MYO16: variants seen among roughly 807,000 people sequenced by gnomAD.
MYO16 encodes the protein unconventional myosin-XVI.
MYO16 carries 94 observed loss-of-function variants against 205.3 expected under a neutral mutation model. The observed-to-expected ratio is 0.46, with a 90% CI of 0.39 to 0.54. MYO16 has a LOEUF of 0.54. Ranked by LOEUF, MYO16 falls within the 20% of genes least tolerant of loss-of-function variation. The pLI is 0.00. For synonymous variants in MYO16, 988 were observed against 954.0 expected (o/e 1.04, Z -0.66); for missense variants, 2,315 against 2,387.5 (o/e 0.97, Z 0.63).
chr13:108,774,652 T>C (rs1463066533), intron 4 of MYO16, among the ~76,000 whole-genome samples: 1 of 152,164 alleles, frequency 6.6e-6, no homozygotes, highest in African/African-American at 2.4e-5. Flanking sequence ...TTTTTCTAAA[T>C]TTGGAATTAC....
At chr13:109,064,943 T>C (rs1027587261) in intron 27 of MYO16, among the ~76,000 whole-genome samples, 1 of 152,196 alleles carries the variant, frequency 6.6e-6, no homozygotes, top group African/African-American at 2.4e-5. Flanking sequence ...CAGCCATATA[T>C]TTTTTTCTCT....
At chr13:109,023,417 T>C (rs1886189977) in intron 23 of MYO16, among the ~76,000 whole-genome samples, 1 of 88,458 alleles carries the variant, frequency 1.1e-5, no homozygotes, top group South Asian at 3.9e-4. Context: ...ATTATACAGA[T>C]ATAAATATAT....
chr13:108,576,285 G>A, the MYO16 span, among the ~76,000 whole-genome samples: 4,995 of 152,224 alleles, frequency 0.033, 244 homozygotes, highest in African/African-American at 0.11. Flanking sequence ...CTTAGCCACC[G>A]CAGTCTTTTA....
intron 3 of MYO16, among the ~76,000 whole-genome samples, chr13:108,716,708 A>G (rs1466977849): frequency 1.3e-5 from 2 of 152,170 alleles, no homozygotes; most frequent in African/African-American, 4.8e-5. Context: ...CTGAGCTCTA[A>G]TTATAGACGA....
chr13:108,795,198 T>TC (rs1333276784), intron 6 of MYO16, among the ~76,000 whole-genome samples: 2 of 21,918 alleles, frequency 9.1e-5, no homozygotes, highest in African/African-American at 1.2e-4. Flanking sequence ...TTTCTTACTT[T>TC]CTTTTTTTTT....
chr13:109,117,539 A>T (rs1408057698), intron 28 of MYO16, among the ~76,000 whole-genome samples: 1 of 149,238 alleles, frequency 6.7e-6, no homozygotes, highest in East Asian at 1.9e-4. Flanking sequence ...ACACACATAT[A>T]TATATAATGG....
At chr13:108,735,978 T>A (rs1176119680) in intron 4 of MYO16, among the ~76,000 whole-genome samples, 1 of 102,976 alleles carries the variant, frequency 9.7e-6, no homozygotes, top group Non-Finnish European at 2.2e-5. Context: ...TTGCCCACTT[T>A]TTGATGGGGT....
At chr13:108,885,560 G>C (rs765259245) in intron 13 of MYO16, among the ~76,000 whole-genome samples, 3 of 152,170 alleles carry the variant, frequency 2.0e-5, no homozygotes, top group Non-Finnish European at 4.4e-5. Flanking sequence ...CTTTTTAAAA[G>C]TTGCTTAGAA....
chr13:108,528,609 T>C, the MYO16 span, among the ~76,000 whole-genome samples: 1 of 5,660 alleles, frequency 1.8e-4, no homozygotes, highest in Non-Finnish European at 3.6e-4. Context: ...CCCTCTCCTC[T>C]CCTCCCCTCC....
At chr13:108,884,650 T>G in intron 13 of MYO16, among the ~76,000 whole-genome samples, 1 of 151,480 alleles carries the variant, frequency 6.6e-6, no homozygotes, top group Admixed American at 6.6e-5. Flanking sequence ...CAACCCATTC[T>G]AGACACAAGG....
At chr13:108,822,054 T>C (rs1876003125) in intron 8 of MYO16, among the ~76,000 whole-genome samples, 2 of 152,064 alleles carry the variant, frequency 1.3e-5, no homozygotes, top group Admixed American at 1.3e-4. Flanking sequence ...TAAAACCAGA[T>C]GCAAGAATAG....
intron 2 of MYO16, among the ~76,000 whole-genome samples, chr13:108,684,937 G>A (rs1219981782): frequency 6.6e-6 from 1 of 151,978 alleles, no homozygotes; most frequent in African/African-American, 2.4e-5. Context: ...ATAGTAAATG[G>A]TAAACGTAAG....
At position 109,140,525 on chromosome 13, in the gene MYO16, TG is replaced by T; in HGVS notation, c.4317del (p.His1440ThrfsTer18). ...DDSEPVYIEM[L>X]GHAARPDSPD... ...AGCGAGCCTGTGTACATCGAGATGC[TG>T]GGGCACGCGGCCAGGCCCGATAGCC... On this transcript the variant is annotated frameshift_variant, in exon 32 of 35. Coordinates refer to ENST00000457511, the MANE Select transcript of MYO16 (RefSeq NM_001198950.3). LOFTEE classifies it high-confidence loss of function. The surrounding 1 kb of genome is among the most constrained non-coding windows in gnomAD (Gnocchi z 8.0). 2 of 1,552,332 alleles carry T rather than the reference TG, an allele frequency of 1.3e-6. No individual in the cohort carries two copies. The highest frequency in any genetic ancestry group is 8.6e-7 in the Non-Finnish European group (1 of 1,157,270).
At chr13:108,556,012 T>C in the MYO16 span, among the ~76,000 whole-genome samples, 1 of 152,182 alleles carries the variant, frequency 6.6e-6, no homozygotes. Flanking sequence ...GACACTTAGG[T>C]TGATCTATAT....
At chr13:108,572,786 A>G in the MYO16 span, among the ~76,000 whole-genome samples, 1 of 152,162 alleles carries the variant, frequency 6.6e-6, no homozygotes, top group African/African-American at 2.4e-5. Context: ...ATTTGAAAAT[A>G]CCGTTAAATT....
In MYO16 at chr13:109,126,601, G is replaced by A. The variant is rs377570685; in HGVS notation, c.3783-681G>A. 5.3e-5 allele frequency among the ~76,000 whole-genome samples: 8 copies of A among 152,120 alleles called. No individual in the cohort carries two copies. In the East Asian group the frequency reaches 1.3e-3, roughly 26 times the overall value. On this transcript the variant is annotated intron_variant, in intron 30 of 34. Transcript: ENST00000457511. ...CCAATTTCTCAATTTGATTATGTATGTATTTTCCTGATACAAAATTAAGTG... is the reference window on the plus strand; with the variant it reads ...CCAATTTCTCAATTTGATTATGTATATATTTTCCTGATACAAAATTAAGTG...
At chr13:109,180,161 T>C (rs1345221197) in intron 34 of MYO16, among the ~76,000 whole-genome samples, 1 of 152,152 alleles carries the variant, frequency 6.6e-6, no homozygotes, top group Non-Finnish European at 1.5e-5. Flanking sequence ...CAAAACTGTT[T>C]GGAGGTGCAT....
At chr13:108,896,174 A>G (rs999002369) in intron 14 of MYO16, among the ~76,000 whole-genome samples, 2 of 152,162 alleles carry the variant, frequency 1.3e-5, no homozygotes, top group East Asian at 3.9e-4. Flanking sequence ...TATCAGACAC[A>G]ACACCAGAAT....
At chr13:109,119,876 C>G (rs1269793735) in intron 28 of MYO16, among the ~76,000 whole-genome samples, 2 of 152,132 alleles carry the variant, frequency 1.3e-5, no homozygotes, top group Admixed American at 1.3e-4. Context: ...GTTGTACAAA[C>G]ATTTGATTTA....
Sources: allele counts gnomAD v4.1 joint callset (sites outside exome capture counted in the v4.1 genomes callset), GRCh38; gene constraint gnomAD v4.1.1; non-coding constraint Gnocchi (gnomAD v3.1); transcripts MANE v1.5; gene names NCBI Gene and HGNC (gene_info 2026-07-23, HGNC 2026-07-21).